Variants in MARCHF3 observed in about 807,000 individuals in gnomAD.
The protein encoded by MARCHF3 is E3 ubiquitin-protein ligase MARCHF3.
Under a neutral mutation model 24.2 loss-of-function variants are expected in MARCHF3, and 13 were observed. The observed-to-expected ratio is 0.54, with a 90% CI of 0.35 to 0.85. The LOEUF is 0.85. MARCHF3 is among the 40% of genes least tolerant of loss of function. MARCHF3 has a pLI of 0.01. For missense variants in MARCHF3, 276 were observed against 325.0 expected (o/e 0.85, Z 1.16); for synonymous variants, 144 against 137.3 (o/e 1.05, Z -0.34).
At chr5:126,992,766 A>ATTTTTTTTTTTTTTTTTT (rs757479478) in intron 1 of MARCHF3, among the ~76,000 whole-genome samples, 8 of 95,502 alleles carry the variant, frequency 8.4e-5, no homozygotes, top group East Asian at 3.3e-4. Context: ...CATCCACGTG[A>ATTTTTTTTTTTTTTTTTT]TTTTTTTTTT....
intron 1 of MARCHF3, among the ~76,000 whole-genome samples, chr5:127,008,950 G>T (rs1225760478): frequency 6.6e-6 from 1 of 151,522 alleles, no homozygotes; most frequent in Non-Finnish European, 1.5e-5. Flanking sequence ...TGCAGCTTCA[G>T]CTCAAAGGAT....
At chr5:127,003,150 G>T (rs61430047) in intron 1 of MARCHF3, among the ~76,000 whole-genome samples, 1,707 of 152,142 alleles carry the variant, frequency 0.011, 27 homozygotes, top group African/African-American at 0.039. Context: ...AAAGCTCAGA[G>T]GTGGAAGCTT....
At chr5:127,011,092 A>T (rs562290924) in intron 1 of MARCHF3, among the ~76,000 whole-genome samples, 1 of 152,354 alleles carries the variant, frequency 6.6e-6, no homozygotes, top group Admixed American at 6.5e-5. Context: ...GAGCCTTCAT[A>T]CTACTAACTT....
chr5:127,028,759 T>C (rs1186045833), intron 1 of MARCHF3, among the ~76,000 whole-genome samples: 2 of 152,186 alleles, frequency 1.3e-5, no homozygotes, highest in African/African-American at 2.4e-5. Flanking sequence ...GTGGCTATAA[T>C]TATTTCACAA....
chr5:126,936,168 A>G (rs1749639987), intron 1 of MARCHF3, among the ~76,000 whole-genome samples: 1 of 152,226 alleles, frequency 6.6e-6, no homozygotes, highest in Non-Finnish European at 1.5e-5. Flanking sequence ...GTTTGGCAGT[A>G]TGTATCAATA....
At chr5:126,896,819 TA>T (rs1250343678) in intron 3 of MARCHF3, among the ~76,000 whole-genome samples, 2 of 152,036 alleles carry the variant, frequency 1.3e-5, no homozygotes, top group Non-Finnish European at 2.9e-5. Context: ...CTTTCTAGGT[TA>T]GGGGTATTTG....
intron 1 of MARCHF3, among the ~76,000 whole-genome samples, chr5:127,020,869 A>AAATG (rs1311492115): frequency 1.3e-5 from 2 of 151,518 alleles, no homozygotes; most frequent in African/African-American, 2.4e-5. Flanking sequence ...ATAAATAAAT[A>AAATG]AAAATAATAA....
intron 1 of MARCHF3, among the ~76,000 whole-genome samples, chr5:126,997,263 T>C (rs1169074503): frequency 1.3e-5 from 2 of 152,046 alleles, no homozygotes; most frequent in Admixed American, 6.6e-5. Flanking sequence ...GACAAGTTAA[T>C]ACAAAGAGAA....
At chr5:126,887,442 G>C (rs1753545297) in intron 3 of MARCHF3, among the ~76,000 whole-genome samples, 1 of 152,154 alleles carries the variant, frequency 6.6e-6, no homozygotes, top group South Asian at 2.1e-4. Context: ...TTTAATGTTA[G>C]TTATTAGATC....
At chr5:126,916,554 A>G (rs962771757) in intron 2 of MARCHF3, among the ~76,000 whole-genome samples, 3 of 152,178 alleles carry the variant, frequency 2.0e-5, no homozygotes, top group African/African-American at 7.2e-5. Context: ...CGAGTGGGAA[A>G]AGAAAGCTGA....
intron 1 of MARCHF3, among the ~76,000 whole-genome samples, chr5:126,931,114 G>A (rs546421223): frequency 1.3e-5 from 2 of 152,334 alleles, no homozygotes; most frequent in South Asian, 2.1e-4. Flanking sequence ...TGGACTCTGA[G>A]GAGATTCTGA....
chr5:126,894,707 G>C (rs1009317390), intron 3 of MARCHF3, among the ~76,000 whole-genome samples: 2 of 151,924 alleles, frequency 1.3e-5, no homozygotes, highest in African/African-American at 4.8e-5. Flanking sequence ...CTTTCTCTCT[G>C]GCTGCCCTTA....
intron 1 of MARCHF3, among the ~76,000 whole-genome samples, chr5:126,961,778 T>A (rs1172103958): frequency 6.6e-6 from 1 of 152,180 alleles, no homozygotes; most frequent in African/African-American, 2.4e-5. Context: ...ATATTTTCAT[T>A]TCTGAATGCA....
intron 1 of MARCHF3, among the ~76,000 whole-genome samples, chr5:126,993,516 T>C (rs12655640): frequency 0.46 from 69,952 of 151,962 alleles, 16,616 homozygotes; most frequent in East Asian, 0.67. Context: ...CATTATCAGA[T>C]GCCATCAATA....
chr5:127,005,924 C>T (rs1752297714), intron 1 of MARCHF3, among the ~76,000 whole-genome samples: 1 of 151,858 alleles, frequency 6.6e-6, no homozygotes, highest in Admixed American at 6.6e-5. Flanking sequence ...GATTTTTGGC[C>T]AGGGTGGTGG....
intron 3 of MARCHF3, among the ~76,000 whole-genome samples, chr5:126,895,578 G>A (rs565436015): frequency 3.1e-4 from 47 of 152,252 alleles, no homozygotes; most frequent in African/African-American, 9.6e-4. Context: ...GCAGTGTGAG[G>A]TGTCAGTGTG....
intron 1 of MARCHF3, among the ~76,000 whole-genome samples, chr5:127,017,376 AAAGTT>A (rs1314232582): frequency 6.6e-6 from 1 of 152,238 alleles, no homozygotes; most frequent in African/African-American, 2.4e-5. Flanking sequence ...TAAAAAAACT[AAAGTT>A]GAGTATTACT....
intron 1 of MARCHF3, among the ~76,000 whole-genome samples, chr5:126,970,996 A>G (rs1750991234): frequency 6.6e-6 from 1 of 152,200 alleles, no homozygotes; most frequent in Non-Finnish European, 1.5e-5. Flanking sequence ...TGAGTTTAAA[A>G]GATAAGTAGA....
chr5:127,002,918 TTAC>T (rs1752175429), intron 1 of MARCHF3, among the ~76,000 whole-genome samples: 1 of 152,130 alleles, frequency 6.6e-6, no homozygotes, highest in East Asian at 1.9e-4. Flanking sequence ...AACTTAGCTG[TTAC>T]TACAATAGTG....
Sources: gnomAD v4.1 joint callset for allele counts (sites outside exome capture counted in the v4.1 genomes callset) on GRCh38, gnomAD v4.1.1 for gene constraint, MANE v1.5 for transcripts, NCBI Gene and HGNC (gene_info 2026-07-23, HGNC 2026-07-21) for gene names.